Variants in GRIK3 observed in about 807,000 individuals in gnomAD.
GRIK3 encodes glutamate ionotropic receptor kainate type subunit 3.
GRIK3 carries 29 observed loss-of-function variants against 102.5 expected under a neutral mutation model. The ratio of observed to expected loss-of-function variants is 0.28; its 90% CI spans 0.21 to 0.39. The LOEUF (loss-of-function observed/expected upper bound fraction) is 0.39, where lower values mean the gene tolerates loss of function less well. Among genes scored for constraint, GRIK3 ranks in the 10% least tolerant of loss-of-function variants. GRIK3 has a pLI of 1.00. For missense variants in GRIK3, 908 were observed against 1,252.4 expected, an observed-to-expected ratio of 0.73 and a Z score of 4.15; for synonymous variants, 511 against 504.9, an observed-to-expected ratio of 1.01 and a Z score of -0.16.
intron 9 of GRIK3, among the ~76,000 whole-genome samples, chr1:36,849,245 A>G (rs759315905): frequency 5.9e-5 from 9 of 152,132 alleles, no homozygotes; most frequent in Non-Finnish European, 1.3e-4. Context: ...AGGGCCACCC[A>G]GTAGGGCCTG....
chr1:36,852,146 G>A (rs2124229570), intron 8 of GRIK3, among the ~76,000 whole-genome samples: 1 of 152,314 alleles, frequency 6.6e-6, no homozygotes, highest in Admixed American at 6.5e-5. Context: ...TAGGAGGGGA[G>A]GCCACAGCCC....
At chr1:36,846,190 G>A (rs1017021507) in intron 9 of GRIK3, among the ~76,000 whole-genome samples, 1 of 151,978 alleles carries the variant, frequency 6.6e-6, no homozygotes, top group African/African-American at 2.4e-5. Flanking sequence ...GCTGGGGCCG[G>A]GCGGTGAGAG....
chr1:37,026,595 C>T (rs527361023), intron 1 of GRIK3, among the ~76,000 whole-genome samples: 35 of 152,292 alleles, frequency 2.3e-4, no homozygotes, highest in Admixed American at 2.1e-3. Context: ...CTCACAATAA[C>T]GCTATGCAGA....
At chr1:36,997,581 G>A (rs960536494) in intron 1 of GRIK3, among the ~76,000 whole-genome samples, 5 of 152,198 alleles carry the variant, frequency 3.3e-5, no homozygotes, top group Non-Finnish European at 7.3e-5. Flanking sequence ...CTGGAGCGGT[G>A]GAGGTGCCCC....
chr1:36,910,964 G>T (rs1428613592), intron 1 of GRIK3, among the ~76,000 whole-genome samples: 1 of 152,162 alleles, frequency 6.6e-6, no homozygotes, highest in South Asian at 2.1e-4. Flanking sequence ...AAACACTGGG[G>T]AGACTCAGAG....
intron 3 of GRIK3, among the ~76,000 whole-genome samples, chr1:36,876,961 T>C (rs1270673216): frequency 6.6e-6 from 1 of 152,176 alleles, no homozygotes; most frequent in Non-Finnish European, 1.5e-5. Context: ...GGAAAGAGTA[T>C]AAGGATAAAA....
intron 1 of GRIK3, among the ~76,000 whole-genome samples, chr1:36,962,468 G>A (rs1642022106): frequency 6.6e-6 from 1 of 151,986 alleles, no homozygotes; most frequent in African/African-American, 2.4e-5. Flanking sequence ...TTAAAGGGAT[G>A]GGTCTAGATT....
chr1:36,845,799 C>T (rs1209278784), intron 9 of GRIK3, among the ~76,000 whole-genome samples: 1 of 152,184 alleles, frequency 6.6e-6, no homozygotes, highest in Non-Finnish European at 1.5e-5. Flanking sequence ...CAGGAGGGGC[C>T]TAGAATCGTT....
intron 1 of GRIK3, among the ~76,000 whole-genome samples, chr1:37,012,191 A>T (rs886353251): frequency 6.6e-6 from 1 of 152,218 alleles, no homozygotes; most frequent in African/African-American, 2.4e-5. Flanking sequence ...TTGAGTTTTC[A>T]TCAAAGTAAT....
rs1642432169 is a variant in GRIK3, at chr1:36,800,783, AG to A, written c.*1067del. On this transcript the variant is annotated 3_prime_UTR_variant, in exon 16 of 16. Coordinates refer to ENST00000373091, the MANE Select transcript of GRIK3 (RefSeq NM_000831.4). Reference sequence around the variant, plus strand: ...TAGTAGGACACTAACTCCTTTTTTGAGGAGGGACAACTTGACTTTCACTTCA... The same window carrying A: ...TAGTAGGACACTAACTCCTTTTTTGAGAGGGACAACTTGACTTTCACTTCA... 6.6e-6 allele frequency: 1 copy of A among 152,100 alleles called. No individual in the cohort carries two copies. The highest frequency in any genetic ancestry group is 1.5e-5 in the Non-Finnish European group (1 of 68,012). 9.4% of individuals were successfully genotyped at this position (152,100 alleles called of 1,614,324 possible). A position where few individuals can be genotyped will look rare whatever the true frequency, so the allele number is the denominator to read the frequency against.
intron 1 of GRIK3, among the ~76,000 whole-genome samples, chr1:36,960,737 C>T (rs76002390): frequency 6.6e-6 from 1 of 152,216 alleles, no homozygotes. Flanking sequence ...CCATTCACCC[C>T]CTAGACACAG....
At chr1:36,851,754 T>C (rs927923180) in intron 8 of GRIK3, among the ~76,000 whole-genome samples, 2 of 152,218 alleles carry the variant, frequency 1.3e-5, no homozygotes, top group Non-Finnish European at 2.9e-5. Context: ...CCAGGGATAA[T>C]AGAGTTTTTC....
chr1:36,924,627 G>A (rs1325734590), intron 1 of GRIK3, among the ~76,000 whole-genome samples: 1 of 152,132 alleles, frequency 6.6e-6, no homozygotes, highest in Non-Finnish European at 1.5e-5. Context: ...GGAGGGCCAC[G>A]AAGGGGTCAG....
chr1:36,850,487 C>G lies in GRIK3; in HGVS notation c.1213-63G>C, dbSNP rs865922850. The G allele has an allele frequency of 2.2e-6, 2 of 909,854 alleles. No individual in the cohort carries two copies. Among genetic ancestry groups the G allele is most frequent in the Non-Finnish European group, 3.7e-6 (2 of 543,028 alleles). 56.4% of individuals were successfully genotyped at this position (909,854 alleles called of 1,614,324 possible). On this transcript the variant is annotated intron_variant, in intron 8 of 15. Transcript: ENST00000373091. The surrounding 1 kb of genome is among the most constrained non-coding windows in gnomAD (Gnocchi z 4.0). ...TTGGTCTACCCATCTTCCTCCATAT[C>G]GACAAGACCTTCATCTCATTCCCAT...
chr1:36,962,990 A>C (rs1394609731), intron 1 of GRIK3, among the ~76,000 whole-genome samples: 1 of 152,064 alleles, frequency 6.6e-6, no homozygotes, highest in Admixed American at 6.6e-5. Flanking sequence ...AGGGCAATGC[A>C]AAGGACAGAA....
intron 3 of GRIK3, among the ~76,000 whole-genome samples, chr1:36,878,815 C>T (rs1203167863): frequency 4.6e-5 from 7 of 152,172 alleles, no homozygotes; most frequent in Non-Finnish European, 8.8e-5. Flanking sequence ...TCTAATTCAT[C>T]GCTCCAGGGA....
intron 1 of GRIK3, among the ~76,000 whole-genome samples, chr1:36,891,983 C>T (rs1040495156): frequency 3.3e-5 from 5 of 152,138 alleles, no homozygotes; most frequent in East Asian, 1.9e-4. Flanking sequence ...TAATAATAAA[C>T]CAAATGAGAA....
chr1:36,844,031 T>C (rs1453748234), intron 9 of GRIK3, among the ~76,000 whole-genome samples: 1 of 152,258 alleles, frequency 6.6e-6, no homozygotes, highest in Non-Finnish European at 1.5e-5. Context: ...TGCTCACCAG[T>C]AGCCTCCTGC....
chr1:36,894,361 C>T (rs186387883), intron 1 of GRIK3, among the ~76,000 whole-genome samples: 1 of 152,162 alleles, frequency 6.6e-6, no homozygotes, highest in East Asian at 1.9e-4. Flanking sequence ...AATAATATTA[C>T]TTTGTATAGA....
Sources: allele counts gnomAD v4.1 joint callset (sites outside exome capture counted in the v4.1 genomes callset), GRCh38; gene constraint gnomAD v4.1.1; non-coding constraint Gnocchi (gnomAD v3.1); transcripts MANE v1.5; gene names NCBI Gene and HGNC (gene_info 2026-07-23, HGNC 2026-07-21).